Variants in PTPRM observed in about 807,000 individuals in gnomAD.
The protein encoded by PTPRM is receptor-type tyrosine-protein phosphatase mu.
A neutral mutation model predicts 186.7 loss-of-function variants in PTPRM; 47 were observed. That is an observed-to-expected ratio of 0.25 (90% CI 0.20 to 0.32). The LOEUF is 0.32. Among genes scored for constraint, PTPRM ranks in the 10% least tolerant of loss-of-function variants. The probability of loss-of-function intolerance (pLI) is 1.00; values close to 1 mark genes in which losing one functional copy is unlikely to be tolerated. For missense variants in PTPRM, 1,494 were observed against 1,865.0 expected (o/e 0.80, Z 3.66); for synonymous variants, 668 against 674.9 (o/e 0.99, Z 0.16).
chr18:7,958,253 G>C (rs906561159), intron 7 of PTPRM, among the ~76,000 whole-genome samples: 1 of 150,424 alleles, frequency 6.6e-6, no homozygotes, highest in South Asian at 2.1e-4. Context: ...GGTTGCATCA[G>C]GAAAGCAAAA....
intron 7 of PTPRM, among the ~76,000 whole-genome samples, chr18:8,025,083 A>G (rs2085486509): frequency 6.6e-6 from 1 of 152,150 alleles, no homozygotes; most frequent in Admixed American, 6.5e-5. Context: ...TCAGGGCTAA[A>G]TAATGTGCAG....
chr18:7,583,367 A>G (rs1286142588), intron 1 of PTPRM, among the ~76,000 whole-genome samples: 3 of 152,176 alleles, frequency 2.0e-5, no homozygotes, highest in African/African-American at 7.2e-5. Flanking sequence ...GCCTCAACAC[A>G]TTTCAGGATG....
chr18:7,712,053 A>G (rs1457054407), intron 1 of PTPRM, among the ~76,000 whole-genome samples: 1 of 152,168 alleles, frequency 6.6e-6, no homozygotes, highest in Non-Finnish European at 1.5e-5. Context: ...TGACCCCTGT[A>G]TCTCCTGACT....
At chr18:7,722,987 G>A (rs921511233) in intron 1 of PTPRM, among the ~76,000 whole-genome samples, 7 of 152,220 alleles carry the variant, frequency 4.6e-5, no homozygotes, top group African/African-American at 1.7e-4. Flanking sequence ...AAGTTTTGGT[G>A]AATGGAAAGT....
intron 6 of PTPRM, among the ~76,000 whole-genome samples, chr18:7,954,678 A>G (rs904639558): frequency 4.7e-5 from 7 of 150,534 alleles, no homozygotes; most frequent in Admixed American, 2.7e-4. Context: ...ACTTTAGTGG[A>G]AAAAAAAAAT....
intron 7 of PTPRM, among the ~76,000 whole-genome samples, chr18:8,014,250 A>T (rs1369842274): frequency 6.6e-6 from 1 of 152,184 alleles, no homozygotes; most frequent in Non-Finnish European, 1.5e-5. Context: ...AAAAAATAAC[A>T]TGCAAAAGTT....
intron 7 of PTPRM, among the ~76,000 whole-genome samples, chr18:8,010,150 G>T (rs1257995229): frequency 3.3e-5 from 5 of 152,184 alleles, no homozygotes; most frequent in Non-Finnish European, 7.4e-5. Context: ...ATGTTATACA[G>T]AGACATGAGT....
At chr18:7,959,564 A>C (rs532253183) in intron 7 of PTPRM, among the ~76,000 whole-genome samples, 123 of 152,306 alleles carry the variant, frequency 8.1e-4, no homozygotes, top group African/African-American at 2.9e-3. Context: ...GATTTCTGCA[A>C]GGATTGTATT....
At chr18:7,639,711 A>G (rs996008958) in intron 1 of PTPRM, among the ~76,000 whole-genome samples, 1 of 152,170 alleles carries the variant, frequency 6.6e-6, no homozygotes, top group African/African-American at 2.4e-5. Context: ...TTTTATATTC[A>G]TATTCCACAT....
rs1052953466 is a variant in PTPRM at position 7,568,031 on chromosome 18, T to G, written c.73+140T>G. ...GGCGCGGCGGGCCGGACACCGCTTCTGCCTGTGAGCCGGGCGCTGGGCGAG... is the reference window on the plus strand; with the variant it reads ...GGCGCGGCGGGCCGGACACCGCTTCGGCCTGTGAGCCGGGCGCTGGGCGAG... On this transcript the variant is annotated intron_variant, in intron 1 of 32. Coordinates refer to ENST00000580170, the MANE Select transcript of PTPRM (RefSeq NM_001105244.2). This position sits in a 1 kb window ranked among gnomAD's most constrained non-coding sequence, Gnocchi z 5.1. The G allele has an allele frequency of 7.6e-6, 6 of 789,684 alleles. No individual in the cohort carries two copies. The highest frequency in any genetic ancestry group is 1.1e-5 in the Non-Finnish European group (6 of 571,102). The allele number at this position is 789,684 out of a possible 1,614,324, so 48.9% of individuals were successfully genotyped here.
At chr18:7,961,544 G>T (rs1445325885) in intron 7 of PTPRM, among the ~76,000 whole-genome samples, 1 of 152,152 alleles carries the variant, frequency 6.6e-6, no homozygotes, top group Non-Finnish European at 1.5e-5. Context: ...ACTGACTTTG[G>T]CATTCAGTTT....
intron 7 of PTPRM, among the ~76,000 whole-genome samples, chr18:7,985,394 C>G (rs1278792031): frequency 5.2e-5 from 7 of 134,210 alleles, no homozygotes. Flanking sequence ...TATACATATA[C>G]TGGTATATAC....
chr18:8,126,603 C>T (rs2092370269), intron 13 of PTPRM, among the ~76,000 whole-genome samples: 1 of 152,156 alleles, frequency 6.6e-6, no homozygotes, highest in Non-Finnish European at 1.5e-5. Context: ...GATCCCATTT[C>T]ACATCCTAAG....
intron 1 of PTPRM, among the ~76,000 whole-genome samples, chr18:7,717,330 T>C (rs1051815622): frequency 2.6e-5 from 4 of 152,124 alleles, no homozygotes; most frequent in Admixed American, 1.3e-4. Flanking sequence ...GCAGCTTGAC[T>C]TCAGAGGGAC....
intron 7 of PTPRM, among the ~76,000 whole-genome samples, chr18:8,020,667 A>G (rs1326493961): frequency 1.3e-5 from 2 of 152,132 alleles, no homozygotes; most frequent in Non-Finnish European, 2.9e-5. Flanking sequence ...TGGTGCCTTT[A>G]CAGCCCAATC....
In PTPRM at chr18:8,170,243, G is replaced by C. The variant is rs147101426; in HGVS notation, c.2300+26464G>C. Among the ~76,000 whole-genome samples the C allele has an allele frequency of 1.1e-4, 17 of 152,232 alleles. No homozygotes were observed. In the East Asian group the frequency reaches 3.3e-3, roughly 29 times the overall value. ...ATCTGTATTTTTCTGGTACAGCTAGGTGGGCTCTTTTAAGACAGAAGTCTT... is the reference window on the plus strand; with the variant it reads ...ATCTGTATTTTTCTGGTACAGCTAGCTGGGCTCTTTTAAGACAGAAGTCTT... On this transcript the variant is annotated intron_variant, in intron 14 of 32. Coordinates refer to ENST00000580170, the MANE Select transcript of PTPRM (RefSeq NM_001105244.2).
At chr18:7,704,654 A>G (rs1239394791) in intron 1 of PTPRM, among the ~76,000 whole-genome samples, 1 of 152,194 alleles carries the variant, frequency 6.6e-6, no homozygotes, top group Non-Finnish European at 1.5e-5. Flanking sequence ...GTTAACCTAG[A>G]ATTTTGTATC....
At chr18:8,016,600 G>T (rs989184150) in intron 7 of PTPRM, among the ~76,000 whole-genome samples, 1 of 151,772 alleles carries the variant, frequency 6.6e-6, no homozygotes, top group African/African-American at 2.4e-5. Flanking sequence ...TCAAAGCTTT[G>T]TATAAACACA....
chr18:8,379,191 C>T lies in PTPRM; in HGVS notation c.3637C>T (p.Leu1213=), dbSNP rs2095715663. 6.2e-7 allele frequency: 1 copy of T among 1,610,368 alleles called. No individual in the cohort carries two copies. Among genetic ancestry groups the T allele is most frequent in the African/African-American group, 1.3e-5 (1 of 74,874 alleles). The change falls in exon 28 of 33, where the codon CTG becomes TTG. Residue 1213 remains leucine (L), a synonymous_variant. Transcript: ENST00000580170. ...FRTLNMVTPT[L]RVEDCSIALL... is the part of the protein sequence containing the mutation. The stretch of plus-strand genomic sequence containing the variant: ...GACGCTAAACATGGTGACACCAACG[C>T]TGCGAGTAGAGGACTGCAGCATCGC...
Sources: allele counts gnomAD v4.1 joint callset (sites outside exome capture counted in the v4.1 genomes callset), GRCh38; gene constraint gnomAD v4.1.1; non-coding constraint Gnocchi (gnomAD v3.1); transcripts MANE v1.5; gene names NCBI Gene and HGNC (gene_info 2026-07-23, HGNC 2026-07-21).